The following C3orf33 variants were observed in gnomAD, a reference collection of about 807,000 sequenced individuals.
The protein encoded by C3orf33 is AP-1 activity suppressor.
C3orf33 carries 23 observed loss-of-function variants against 28.7 expected under a neutral mutation model. The observed-to-expected ratio is 0.80, with a 90% CI of 0.58 to 1.13. The LOEUF (loss-of-function observed/expected upper bound fraction) is 1.13, where lower values mean the gene tolerates loss of function less well. Among genes scored for constraint, C3orf33 ranks in the 50% most tolerant of loss-of-function variants. C3orf33 has a pLI of 0.00. For missense variants in C3orf33, 327 were observed against 353.4 expected (o/e 0.93, Z 0.60); for synonymous variants, 119 against 120.5 (o/e 0.99, Z 0.08).
intron 2 of C3orf33, among the ~76,000 whole-genome samples, chr3:155,802,025 T>C (rs1287296703): frequency 6.6e-6 from 1 of 152,192 alleles, no homozygotes; most frequent in Non-Finnish European, 1.5e-5. Context: ...GTGCTGGGAT[T>C]ACAGGCATAA....
At chr3:155,788,362 T>A (rs764622202) in intron 2 of C3orf33, among the ~76,000 whole-genome samples, 5 of 151,886 alleles carry the variant, frequency 3.3e-5, no homozygotes, top group Non-Finnish European at 7.4e-5. Context: ...AGAAGGCAAC[T>A]ACTTCAACAT....
At chr3:155,803,905 G>A (rs1422819724) in intron 1 of C3orf33, 3 of 161,370 alleles carry the variant, frequency 1.9e-5, no homozygotes, top group Non-Finnish European at 4.0e-5. Flanking sequence ...GGCCGGCGCA[G>A]TGGCTCATGC....
At chr3:155,778,229 A>G (rs569796577) in intron 2 of C3orf33, among the ~76,000 whole-genome samples, 1 of 152,040 alleles carries the variant, frequency 6.6e-6, no homozygotes, top group South Asian at 2.1e-4. Flanking sequence ...ATAATGCATG[A>G]TCCTTGTTTG....
intron 3 of C3orf33, among the ~76,000 whole-genome samples, chr3:155,771,051 G>A (rs192872357): frequency 0.026 from 3,396 of 131,648 alleles, 195 homozygotes; most frequent in African/African-American, 0.089. Flanking sequence ...GTGTGTGTGT[G>A]TGTGTTGAGA....
chr3:155,764,649 G>A (rs1156762847), intron 4 of C3orf33, among the ~76,000 whole-genome samples: 2 of 151,504 alleles, frequency 1.3e-5, no homozygotes, highest in Non-Finnish European at 2.9e-5. Flanking sequence ...TCAGGAGTTC[G>A]AGACCAGCCT....
chr3:155,795,961 AT>A (rs1751465045), intron 2 of C3orf33, among the ~76,000 whole-genome samples: 2 of 149,948 alleles, frequency 1.3e-5, no homozygotes, highest in African/African-American at 4.8e-5. Flanking sequence ...ATCTAAAAAA[AT>A]AATAATAATA....
intron 2 of C3orf33, among the ~76,000 whole-genome samples, chr3:155,776,668 G>T (rs577359436): frequency 6.8e-6 from 1 of 146,414 alleles, no homozygotes; most frequent in Non-Finnish European, 1.5e-5. Context: ...GAACAGGAGG[G>T]TCACTTGAGC....
chr3:155,769,481 G>A lies in C3orf33; in HGVS notation c.323-1812C>T, dbSNP rs1297791363. On this transcript the variant is annotated intron_variant, in intron 3 of 4. Transcript: ENST00000340171. Reference sequence around the variant, plus strand: ...CCAGCCTGGGCAATAGAGTGAGACTGTTTCAAAAAAAAAAAAAAAAAAGAA... The same window carrying A: ...CCAGCCTGGGCAATAGAGTGAGACTATTTCAAAAAAAAAAAAAAAAAAGAA... Among the ~76,000 whole-genome samples the A allele has an allele frequency of 1.9e-4, 22 of 113,666 alleles. No individual in the cohort carries two copies. In the Admixed American group the frequency reaches 2.2e-3, roughly 11 times the overall value. The allele number at this position is 113,666 out of a possible 152,430, so 74.6% of individuals were successfully genotyped here.
chr3:155,769,407 C>T (rs1286241330), intron 3 of C3orf33, among the ~76,000 whole-genome samples: 1 of 143,010 alleles, frequency 7.0e-6, no homozygotes, highest in Non-Finnish European at 1.5e-5. Flanking sequence ...AGAATCACTT[C>T]AATCTAGGAG....
At position 155,800,303 on chromosome 3, in the gene C3orf33, T is replaced by C. The variant is rs192678914; in HGVS notation, c.174+2229A>G. The stretch of plus-strand genomic sequence containing the variant: ...ATCAATGAGCACTCTCAACAGAGAT[T>C]AGAAAAAGTAAACACATAGGTGGGG... On this transcript the variant is annotated intron_variant, in intron 2 of 4. Transcript: ENST00000340171. Among the ~76,000 whole-genome samples, 228 of 151,962 alleles carry C rather than the reference T, an allele frequency of 1.5e-3. 1 individual carries two copies. Among genetic ancestry groups the C allele is most frequent in the African/African-American group, 4.8e-3 (198 of 41,470 alleles).
At position 155,800,182 on chromosome 3, in the gene C3orf33, C is replaced by T. The variant is rs977726937; in HGVS notation, c.174+2350G>A. On this transcript the variant is annotated intron_variant, in intron 2 of 4. Transcript: ENST00000340171. ...CCTGTATCAAAATATCTCATGTACC[C>T]CATGAATATATACACCTAGTATGTA... Among the ~76,000 whole-genome samples, 11 of 151,826 alleles carry T rather than the reference C, an allele frequency of 7.2e-5. No individual in the cohort carries two copies. The East Asian group carries it at 2.1e-3, about 29-fold the overall frequency.
chr3:155,795,783 C>G (rs1256546320), intron 2 of C3orf33, among the ~76,000 whole-genome samples: 4 of 151,614 alleles, frequency 2.6e-5, no homozygotes, highest in African/African-American at 7.3e-5. Context: ...CAGTGAAACC[C>G]TGTCTCTACT....
intron 1 of C3orf33, chr3:155,805,755 T>C (rs1343977605): frequency 2.1e-6 from 1 of 466,298 alleles, no homozygotes. Context: ...AAATAAAAAT[T>C]AGAAATGCTC....
In C3orf33 at chr3:155,763,835, A is replaced by G; in HGVS notation, c.567T>C (p.Tyr189=). The G allele has an allele frequency of 2.5e-6, 4 of 1,574,418 alleles. No homozygotes were observed. Among genetic ancestry groups the G allele is most frequent in the Non-Finnish European group, 3.4e-6 (4 of 1,166,780 alleles). ...GAACTGTCCAGTAGATTTTAGAATCATATTTAAGCCCTTTAACAAGAACAG... is the reference window on the plus strand; with the variant it reads ...GAACTGTCCAGTAGATTTTAGAATCGTATTTAAGCCCTTTAACAAGAACAG... ...GKTVLVKGLK[Y]DSKIYWTVHR... Residue 189 remains tyrosine, a synonymous_variant, in exon 5 of 5, where the codon TAT becomes TAC. Coordinates refer to ENST00000340171, the MANE Select transcript of C3orf33 (RefSeq NM_001308229.2).
intron 2 of C3orf33, among the ~76,000 whole-genome samples, chr3:155,783,143 TCAACC>T (rs1750985529): frequency 6.6e-6 from 1 of 151,400 alleles, no homozygotes; most frequent in African/African-American, 2.4e-5. Flanking sequence ...TAAGGGATAC[TCAACC>T]CATTCTACAT....
At chr3:155,798,984 AAAG>A (rs1479502199) in intron 2 of C3orf33, among the ~76,000 whole-genome samples, 2 of 152,228 alleles carry the variant, frequency 1.3e-5, no homozygotes, top group East Asian at 1.9e-4. Flanking sequence ...GCATTTCTCA[AAAG>A]AAGACATACA....
At chr3:155,776,881 T>C (rs182854564) in intron 2 of C3orf33, among the ~76,000 whole-genome samples, 27 of 151,024 alleles carry the variant, frequency 1.8e-4, no homozygotes, top group Middle Eastern at 6.8e-3. Flanking sequence ...ATGTGGAATA[T>C]ACTATAGAAT....
chr3:155,783,902 TTTTTG>T (rs773041249), intron 2 of C3orf33, among the ~76,000 whole-genome samples: 33 of 151,934 alleles, frequency 2.2e-4, no homozygotes, highest in African/African-American at 5.3e-4. Context: ...TTTATGGGTT[TTTTTG>T]TTTTGTTTTG....
intron 2 of C3orf33, among the ~76,000 whole-genome samples, chr3:155,780,742 A>AT (rs1491013272): frequency 4.3e-4 from 66 of 152,296 alleles, no homozygotes; most frequent in African/African-American, 1.3e-3. Flanking sequence ...CTTTCCAGGT[A>AT]GAGGTGGCTA....
Sources: allele counts gnomAD v4.1 joint callset (sites outside exome capture counted in the v4.1 genomes callset), GRCh38; gene constraint gnomAD v4.1.1; transcripts MANE v1.5; gene names NCBI Gene and HGNC (gene_info 2026-07-23, HGNC 2026-07-21).